CDKN2B-AS1: variants seen among roughly 807,000 people sequenced by gnomAD.
The protein encoded by CDKN2B-AS1 is CDKN2B antisense RNA 1 (non-protein coding).
chr9:22,066,760 G>C (rs968415092), intron 4 of CDKN2B-AS1, among the ~76,000 whole-genome samples: 3 of 152,014 alleles, frequency 2.0e-5, no homozygotes, highest in African/African-American at 7.2e-5. Flanking sequence ...AGCTGGAAAA[G>C]CAGCGTTACT....
At chr9:22,035,758 A>G (rs1822661303) in intron 1 of CDKN2B-AS1, among the ~76,000 whole-genome samples, 3 of 152,132 alleles carry the variant, frequency 2.0e-5, no homozygotes, top group South Asian at 4.1e-4. Flanking sequence ...GTTTCCAGAG[A>G]TAAGTTTGCC....
intron 4 of CDKN2B-AS1, among the ~76,000 whole-genome samples, chr9:22,101,683 C>CAT (rs1825490040): frequency 8.1e-6 from 1 of 124,140 alleles, no homozygotes; most frequent in Non-Finnish European, 1.9e-5. Context: ...CACACACACA[C>CAT]ACACACACAC....
intron 4 of CDKN2B-AS1, among the ~76,000 whole-genome samples, chr9:22,067,954 C>G (rs1048684156): frequency 6.6e-6 from 1 of 152,152 alleles, no homozygotes; most frequent in African/African-American, 2.4e-5. Context: ...TGCAAATATC[C>G]TGTTTCATCA....
intron 1 of CDKN2B-AS1, chr9:22,004,996 T>G (rs918118444): frequency 4.3e-6 from 1 of 233,182 alleles, no homozygotes; most frequent in Non-Finnish European, 8.5e-6. Flanking sequence ...TGAGAGCCAC[T>G]AGTTATGTTA....
chr9:22,009,360 TCC>T (rs1821378532), intron 1 of CDKN2B-AS1: 1 of 361,464 alleles, frequency 2.8e-6, no homozygotes, highest in African/African-American at 2.1e-5. Context: ...GGCCGGCGTC[TCC>T]CCACCCCCTT....
intron 4 of CDKN2B-AS1, among the ~76,000 whole-genome samples, chr9:22,085,459 C>T (rs1360805358): frequency 1.3e-5 from 2 of 152,164 alleles, no homozygotes; most frequent in African/African-American, 2.4e-5. Context: ...GTGGCTCACG[C>T]CTGTAATTCC....
intron 4 of CDKN2B-AS1, among the ~76,000 whole-genome samples, chr9:22,122,389 C>A (rs1826121362): frequency 6.6e-6 from 1 of 152,108 alleles, no homozygotes; most frequent in Middle Eastern, 3.2e-3. Context: ...TGTACAAAAG[C>A]TATTTGGATT....
intron 4 of CDKN2B-AS1, among the ~76,000 whole-genome samples, chr9:22,113,187 A>G (rs529190002): frequency 1.2e-4 from 18 of 152,288 alleles, no homozygotes; most frequent in African/African-American, 3.8e-4. Context: ...CAAAGTATCA[A>G]TGGGAGCTGC....
intron 3 of CDKN2B-AS1, among the ~76,000 whole-genome samples, chr9:22,053,837 C>A (rs1284163535): frequency 6.6e-6 from 1 of 152,044 alleles, no homozygotes; most frequent in South Asian, 2.1e-4. Context: ...TGTAGACCGT[C>A]ACTAGCTAAT....
intron 4 of CDKN2B-AS1, among the ~76,000 whole-genome samples, chr9:22,094,647 T>C (rs1215540857): frequency 6.9e-6 from 1 of 144,638 alleles, no homozygotes; most frequent in Non-Finnish European, 1.5e-5. Context: ...TTCTCGTGCC[T>C]TGGTTTTCAG....
chr9:22,087,309 G>GA (rs1236921314), intron 4 of CDKN2B-AS1, among the ~76,000 whole-genome samples: 3 of 152,180 alleles, frequency 2.0e-5, no homozygotes, highest in African/African-American at 7.2e-5. Context: ...GCCATCTTCA[G>GA]ACCATGAGGG....
chr9:22,105,194 T>C (rs933511648), intron 4 of CDKN2B-AS1, among the ~76,000 whole-genome samples: 5 of 152,232 alleles, frequency 3.3e-5, no homozygotes, highest in Admixed American at 3.3e-4. Context: ...TCATGATGAC[T>C]TGTAGGCCGA....
At chr9:22,002,097 C>G (rs1051395994) in intron 1 of CDKN2B-AS1, among the ~76,000 whole-genome samples, 1 of 152,112 alleles carries the variant, frequency 6.6e-6, no homozygotes, top group East Asian at 1.9e-4. Context: ...GTGAACTACA[C>G]CAACCTAAGC....
chr9:22,099,994 C>T (rs1308356114), intron 4 of CDKN2B-AS1, among the ~76,000 whole-genome samples: 5 of 151,792 alleles, frequency 3.3e-5, no homozygotes, highest in Admixed American at 6.6e-5. Flanking sequence ...TTGAACTAGT[C>T]GTATTATGCA....
At position 22,104,578 on chromosome 9, in the gene CDKN2B-AS1, G is replaced by A. The variant is rs546894181; in HGVS notation, n.439-22525G>A. Reference sequence around the variant, plus strand: ...CACAGGACTGGAAATCTCTACCACCGTACCTCTCCTACATGCTGGGTATAA... The same window carrying A: ...CACAGGACTGGAAATCTCTACCACCATACCTCTCCTACATGCTGGGTATAA... On this transcript the variant is annotated intron_variant and non_coding_transcript_variant, in intron 4 of 4. Coordinates refer to ENST00000650946, the Ensembl canonical transcript of CDKN2B-AS1. Among the ~76,000 whole-genome samples, 29 of 152,248 alleles carry A rather than the reference G, an allele frequency of 1.9e-4. No homozygotes were observed. In the East Asian group the frequency reaches 3.5e-3, roughly 18 times the overall value.
At chr9:22,086,879 A>G (rs972457618) in intron 4 of CDKN2B-AS1, among the ~76,000 whole-genome samples, 1 of 152,166 alleles carries the variant, frequency 6.6e-6, no homozygotes, top group Non-Finnish European at 1.5e-5. Context: ...TGTGATTCTG[A>G]ATAATATTTT....
Position 22,006,243 on chromosome 9 carries a change from A to G in CDKN2B-AS1, n.29+11082A>G, listed in dbSNP as rs779743053. 35 of 1,605,032 alleles carry G rather than the reference A, an allele frequency of 2.2e-5. No individual in the cohort carries two copies. The South Asian group carries it at 3.4e-4, about 16-fold the overall frequency. Reference sequence around the variant, plus strand: ...CGCCACGCGGGCGCTGCCCATCATCATGACCTGCCAGAGAGAGCAGAGTGG... The same window carrying G: ...CGCCACGCGGGCGCTGCCCATCATCGTGACCTGCCAGAGAGAGCAGAGTGG... On this transcript the variant is annotated intron_variant and non_coding_transcript_variant, in intron 1 of 4. Coordinates refer to ENST00000650946, the Ensembl canonical transcript of CDKN2B-AS1. This position sits in a 1 kb window ranked among gnomAD's most constrained non-coding sequence, Gnocchi z 6.4.
chr9:22,094,338 G>T (rs1388895214), intron 4 of CDKN2B-AS1, among the ~76,000 whole-genome samples: 1 of 143,774 alleles, frequency 7.0e-6, no homozygotes, highest in African/African-American at 2.9e-5. Flanking sequence ...GGCATTCTCT[G>T]TATTTCCTGA....
At chr9:22,111,577 T>C (rs72654228) in intron 4 of CDKN2B-AS1, among the ~76,000 whole-genome samples, 4 of 87,188 alleles carry the variant, frequency 4.6e-5, no homozygotes, top group Non-Finnish European at 8.0e-5. Context: ...TTTCACATTA[T>C]CCATATATAT....
Sources: gnomAD v4.1 joint callset for allele counts (sites outside exome capture counted in the v4.1 genomes callset) on GRCh38, gnomAD v4.1.1 for gene constraint, Gnocchi (gnomAD v3.1) non-coding constraint, MANE v1.5 for transcripts, NCBI Gene and HGNC (gene_info 2026-07-23, HGNC 2026-07-21) for gene names.